Variants in COL6A5 observed in about 807,000 individuals in gnomAD.
COL6A5 encodes collagen type VI alpha 5 chain.
COL6A5 carries 48 observed loss-of-function variants against 65.6 expected under a neutral mutation model. The ratio of observed to expected loss-of-function variants is 0.73; its 90% CI spans 0.58 to 0.93. The LOEUF (loss-of-function observed/expected upper bound fraction) is 0.93, where lower values mean the gene tolerates loss of function less well. Among genes scored for constraint, COL6A5 ranks in the 40% least tolerant of loss-of-function variants. The pLI, the probability that COL6A5 is intolerant of heterozygous loss-of-function variation, is 0.00. For missense variants in COL6A5, 914 were observed against 928.3 expected, an observed-to-expected ratio of 0.98 and a Z score of 0.20; for synonymous variants, 291 against 322.8, an observed-to-expected ratio of 0.90 and a Z score of 1.05.
intron 11 of COL6A5, 136 bp from the exon 12 acceptor site, chr3:130,401,626 T>C: frequency 1.5e-6 from 1 of 674,940 alleles, no homozygotes; most frequent in South Asian, 1.9e-5. Context: ...AAAGCACCTC[T>C]TATTCTCTGC....
At chr3:130,443,769 T>G (rs1709242476) in intron 4 of COL6A5, among the ~76,000 whole-genome samples, 3 of 152,150 alleles carry the variant, frequency 2.0e-5, no homozygotes, top group Admixed American at 2.0e-4. Flanking sequence ...TAATTACAAT[T>G]TTGCCTTTAA....
rs145228697 is a variant in COL6A5 at position 130,432,702 on chromosome 3, T to C, written c.487+753T>C. Reference sequence around the variant, plus strand: ...CTGCCAGCCCTCTACTGCTCTGGTGTTTCTCAAATTTGTTATCTGCTTGCT... The same window carrying C: ...CTGCCAGCCCTCTACTGCTCTGGTGCTTCTCAAATTTGTTATCTGCTTGCT... On this transcript the variant is annotated intron_variant, in intron 1 of 7. Transcript: ENST00000512836. 2.3e-3 allele frequency among the ~76,000 whole-genome samples: 348 copies of C among 152,276 alleles called. 2 individuals are homozygous for C. Among genetic ancestry groups the C allele is most frequent in the African/African-American group, 7.8e-3 (324 of 41,566 alleles).
intron 6 of COL6A5, among the ~76,000 whole-genome samples, chr3:130,469,903 A>G (rs1709907683): frequency 6.6e-6 from 1 of 152,018 alleles, no homozygotes; most frequent in African/African-American, 2.4e-5. Context: ...TCTAGACTCA[A>G]CCCCTCACAT....
intron 12 of COL6A5, 110 bp downstream of exon 12, chr3:130,401,964 C>T: frequency 2.6e-6 from 2 of 762,300 alleles, no homozygotes; most frequent in South Asian, 4.0e-5. Flanking sequence ...AATGGAATTG[C>T]TTTGGACATT....
At chr3:130,419,014 C>G (rs970784272) in intron 25 of COL6A5, 83 bp downstream of exon 25, 1 of 1,076,184 alleles carries the variant, frequency 9.3e-7, no homozygotes. Context: ...ACCTTCAGCC[C>G]AATTATGGGG....
chr3:130,367,147 T>C (rs1326726840), intron 1 of COL6A5, among the ~76,000 whole-genome samples: 1 of 152,216 alleles, frequency 6.6e-6, no homozygotes, highest in African/African-American at 2.4e-5. Context: ...TGATAGGTCT[T>C]ATTTGTTTAG....
chr3:130,348,251 G>T (rs915047903), intron 1 of COL6A5, among the ~76,000 whole-genome samples: 4 of 151,994 alleles, frequency 2.6e-5, no homozygotes, highest in Admixed American at 2.6e-4. Flanking sequence ...TTAGGCATTT[G>T]TCCTAATGCT....
upstream of COL6A5, chr3:130,431,308 T>G: frequency 1.2e-6 from 1 of 833,526 alleles, no homozygotes; most frequent in Non-Finnish European, 2.0e-6. Context: ...GCAGGCCAGA[T>G]TTCTTTCCTT....
At chr3:130,359,311 G>A (rs1935026893) in intron 1 of COL6A5, among the ~76,000 whole-genome samples, 1 of 151,934 alleles carries the variant, frequency 6.6e-6, no homozygotes, top group Non-Finnish European at 1.5e-5. Flanking sequence ...TTAACAACTT[G>A]CTACCTAATA....
chr3:130,477,337 A>T (rs1710124552), intron 7 of COL6A5: 2 of 374,798 alleles, frequency 5.3e-6, no homozygotes, highest in Non-Finnish European at 9.5e-6. Flanking sequence ...CATTATATCA[A>T]ATTATCACTT....
intron 29 of COL6A5, 37 bp downstream of exon 29, chr3:130,423,937 G>T: frequency 6.9e-7 from 1 of 1,444,238 alleles, no homozygotes; most frequent in Non-Finnish European, 9.5e-7. Context: ...GGATATAGTA[G>T]TTTCCAGTAT....
exon 5 of COL6A5, chr3:130,385,276 G>A: frequency 6.4e-7 from 1 of 1,550,980 alleles, no homozygotes; most frequent in South Asian, 1.2e-5. Flanking sequence ...AAATTGCTGG[G>A]AAAGAAGAAA....
intron 23 of COL6A5, 139 bp from the exon 24 acceptor site, chr3:130,416,617 TC>T (rs1937344765): frequency 3.1e-6 from 2 of 643,722 alleles, no homozygotes; most frequent in African/African-American, 3.8e-5. Flanking sequence ...TCTGCTTCTC[TC>T]CTCCTGGGTG....
rs77059022 is a variant in COL6A5 at position 130,392,507 on chromosome 3, C to T, written c.2992+753C>T. ...TGTGCCTACTTGGAAGGTCTGAATTCTTGTGGTTTGTTATTGGCCCAGTCC... is the reference window on the plus strand; with the variant it reads ...TGTGCCTACTTGGAAGGTCTGAATTTTTGTGGTTTGTTATTGGCCCAGTCC... On this transcript the variant is annotated intron_variant and NMD_transcript_variant, in intron 7 of 41. Coordinates refer to the COL6A5 transcript ENST00000312481. Among the ~76,000 whole-genome samples, 1,427 of 152,242 alleles carry T rather than the reference C, an allele frequency of 9.4e-3. 12 individuals carry two copies. The highest frequency in any genetic ancestry group is 0.017 in the Middle Eastern group (5 of 294).
intron 4 of COL6A5, among the ~76,000 whole-genome samples, chr3:130,384,098 T>C (rs1027101578): frequency 2.6e-5 from 4 of 151,978 alleles, no homozygotes; most frequent in Non-Finnish European, 5.9e-5. Flanking sequence ...AGAGATGACT[T>C]GATGACATCC....
chr3:130,398,090 T>A, exon 10 of COL6A5: 1 of 1,541,616 alleles, frequency 6.5e-7, no homozygotes, highest in Non-Finnish European at 8.8e-7. Context: ...TGAAAATCAA[T>A]CAGACAGGCT....
intron 3 of COL6A5, among the ~76,000 whole-genome samples, chr3:130,378,676 C>A (rs1203695925): frequency 2.0e-5 from 3 of 152,240 alleles, no homozygotes; most frequent in African/African-American, 7.2e-5. Flanking sequence ...TTGTTCCCAC[C>A]TCTTGCTGTT....
At chr3:130,353,069 T>C (rs1174309223) in intron 1 of COL6A5, among the ~76,000 whole-genome samples, 1 of 152,212 alleles carries the variant, frequency 6.6e-6, no homozygotes. Context: ...GTGAAAATTA[T>C]GAAACCTAAT....
At chr3:130,351,076 T>G (rs1934686668) in intron 1 of COL6A5, among the ~76,000 whole-genome samples, 1 of 152,208 alleles carries the variant, frequency 6.6e-6, no homozygotes, top group Admixed American at 6.5e-5. Flanking sequence ...GATTCCCTAT[T>G]TAATAAATGG....
Sources: allele counts gnomAD v4.1 joint callset (sites outside exome capture counted in the v4.1 genomes callset), GRCh38; gene constraint gnomAD v4.1.1; transcripts MANE v1.5; gene names NCBI Gene and HGNC (gene_info 2026-07-23, HGNC 2026-07-21).